Variants in FLNB observed in about 807,000 individuals in gnomAD.
The protein encoded by FLNB is filamin B, also known as filamin-B.
FLNB carries 111 observed loss-of-function variants against 250.6 expected under a neutral mutation model. The ratio of observed to expected loss-of-function variants is 0.44; its 90% CI spans 0.38 to 0.52. The LOEUF is 0.52. Ranked by LOEUF, FLNB falls within the 20% of genes least tolerant of loss-of-function variation. The pLI is 0.00. For missense variants in FLNB, 2,869 were observed against 3,447.8 expected (o/e 0.83, Z 4.20); for synonymous variants, 1,302 against 1,372.1 (o/e 0.95, Z 1.13).
intron 1 of FLNB, among the ~76,000 whole-genome samples, chr3:58,047,612 C>T (rs554816964): frequency 4.0e-5 from 6 of 151,578 alleles, no homozygotes; most frequent in Admixed American, 6.6e-5. Flanking sequence ...CTGGCTCTGT[C>T]GCCCAGGCTG....
chr3:58,123,774 A>C (rs2097292985), intron 21 of FLNB, 84 bp downstream of exon 21: 1 of 1,170,286 alleles, frequency 8.5e-7, no homozygotes, highest in Non-Finnish European at 1.2e-6. Flanking sequence ...CTGCAAACTC[A>C]GCCACCTGCA....
chr3:58,144,093 C>CT (rs931279133), intron 32 of FLNB, among the ~76,000 whole-genome samples: 5 of 152,142 alleles, frequency 3.3e-5, no homozygotes, highest in Non-Finnish European at 7.4e-5. Flanking sequence ...TTCATTCTTT[C>CT]TTTTTGTAGT....
chr3:58,105,893 C>T (rs533561491), intron 11 of FLNB, among the ~76,000 whole-genome samples: 3 of 152,182 alleles, frequency 2.0e-5, no homozygotes, highest in Non-Finnish European at 4.4e-5. Context: ...TAAGAAATCA[C>T]ATTTAATTTT....
At chr3:58,082,091 G>T (rs2097209977) in intron 4 of FLNB, among the ~76,000 whole-genome samples, 1 of 152,140 alleles carries the variant, frequency 6.6e-6, no homozygotes, top group Non-Finnish European at 1.5e-5. Flanking sequence ...TCTTGCCCCA[G>T]ATCACCACAG....
At chr3:58,121,170 T>G in intron 19 of FLNB, 71 bp from the exon 20 acceptor site, 1 of 1,603,044 alleles carries the variant, frequency 6.2e-7, no homozygotes, top group Non-Finnish European at 8.5e-7. Flanking sequence ...GAACCATTGC[T>G]TCTGTGCTCT....
intron 28 of FLNB, 32 bp from the exon 29 acceptor site, chr3:58,138,250 C>G: frequency 1.9e-6 from 3 of 1,612,450 alleles, no homozygotes; most frequent in Non-Finnish European, 2.5e-6. Flanking sequence ...TGTGTCCATA[C>G]TTCCATTCTC....
At chr3:58,033,460 G>A (rs889266163) in intron 1 of FLNB, among the ~76,000 whole-genome samples, 5 of 151,620 alleles carry the variant, frequency 3.3e-5, no homozygotes, top group African/African-American at 7.3e-5. Flanking sequence ...GTGCGACCTC[G>A]GCTCACTACA....
chr3:58,024,833 C>T (rs954804852), intron 1 of FLNB, among the ~76,000 whole-genome samples: 7 of 151,016 alleles, frequency 4.6e-5, no homozygotes, highest in Admixed American at 2.6e-4. Flanking sequence ...CCTGCCTCAG[C>T]CTCCTGAGTA....
chr3:58,131,223 G>A (rs1490883657), intron 25 of FLNB, among the ~76,000 whole-genome samples: 1 of 152,100 alleles, frequency 6.6e-6, no homozygotes, highest in Non-Finnish European at 1.5e-5. Flanking sequence ...TGAGGGGGTG[G>A]GTTGCTCTGG....
At chr3:58,061,451 G>T (rs941556094) in intron 1 of FLNB, among the ~76,000 whole-genome samples, 2 of 152,130 alleles carry the variant, frequency 1.3e-5, no homozygotes, top group Non-Finnish European at 2.9e-5. Flanking sequence ...GATGGGTAGG[G>T]CATGGTGGCT....
At chr3:58,078,100 C>A (rs762068774) in intron 2 of FLNB, among the ~76,000 whole-genome samples, 2 of 152,192 alleles carry the variant, frequency 1.3e-5, no homozygotes, top group Admixed American at 6.5e-5. Flanking sequence ...TAGGGGAGGG[C>A]TGAAGGCCTC....
chr3:58,089,883 T>A (rs1306533840), intron 4 of FLNB, among the ~76,000 whole-genome samples: 1 of 151,966 alleles, frequency 6.6e-6, no homozygotes, highest in African/African-American at 2.4e-5. Context: ...GCCTCCTGGG[T>A]TCAAGCTATT....
At chr3:58,166,100 GC>G (rs1262440699) in intron 43 of FLNB, 17 of 152,162 alleles carry the variant, frequency 1.1e-4, no homozygotes, top group African/African-American at 4.1e-4. Flanking sequence ...ACTTCACTGT[GC>G]CTCTGCTTCC....
intron 10 of FLNB, among the ~76,000 whole-genome samples, 175 bp from the exon 11 acceptor site, chr3:58,104,905 C>T (rs1161390569): frequency 6.6e-6 from 1 of 152,136 alleles, no homozygotes. Context: ...ATATTGTTGA[C>T]ATAACAGTAG....
intron 1 of FLNB, among the ~76,000 whole-genome samples, chr3:58,025,566 T>C (rs2097122460): frequency 1.3e-5 from 2 of 152,204 alleles, no homozygotes; most frequent in South Asian, 4.1e-4. Context: ...TGCTGCTTTG[T>C]AGCTAGCTGG....
chr3:58,058,231 T>C (rs940378160), intron 1 of FLNB, among the ~76,000 whole-genome samples: 6 of 152,248 alleles, frequency 3.9e-5, no homozygotes. Flanking sequence ...TAACTTTTAC[T>C]AAGTTATCTT....
chr3:58,061,964 G>T (rs987801839), intron 1 of FLNB, among the ~76,000 whole-genome samples: 1 of 151,728 alleles, frequency 6.6e-6, no homozygotes, highest in African/African-American at 2.4e-5. Context: ...GATGGGGGGC[G>T]CCTGTAATCC....
chr3:58,168,514 T>C lies in FLNB; in HGVS notation c.7273T>C (p.Ser2425Pro), dbSNP rs779884697. Residue 2425 changes from serine (S) to proline (P), a missense_variant, in exon 44 of 46, where the codon TCC becomes CCC. By Grantham distance (74) the Ser-to-Pro change is moderately conservative. Transcript: ENST00000295956. ...ATTATCCGTCACCATCGAAGGCCCA[T>C]CCAAGGTTAAAATGGATTGCCAGGA... is the stretch of plus-strand genomic sequence containing the variant. ...GTLSVTIEGP[S>P]KVKMDCQETP... 6.2e-7 allele frequency: 1 copy of C among 1,614,198 alleles called. No individual in the cohort carries two copies.
chr3:58,103,832 C>A, intron 9 of FLNB, 127 bp from the exon 10 acceptor site: 1 of 1,099,414 alleles, frequency 9.1e-7, no homozygotes, highest in Non-Finnish European at 1.4e-6. Flanking sequence ...TACTCTGGGG[C>A]AGCCCACTTG....
Sources: allele counts gnomAD v4.1 joint callset (sites outside exome capture counted in the v4.1 genomes callset), GRCh38; gene constraint gnomAD v4.1.1; transcripts MANE v1.5; gene names NCBI Gene and HGNC (gene_info 2026-07-23, HGNC 2026-07-21).